Variants in SGCG observed in about 807,000 individuals in gnomAD.
SGCG encodes gamma-sarcoglycan.
SGCG carries 26 observed loss-of-function variants against 29.3 expected under a neutral mutation model. The observed-to-expected ratio is 0.89, with a 90% CI of 0.65 to 1.23. The LOEUF (loss-of-function observed/expected upper bound fraction) is 1.23, where lower values mean the gene tolerates loss of function less well. SGCG is among the 50% of genes most tolerant of loss of function. The pLI is 0.00. For synonymous variants in SGCG, 145 were observed against 129.7 expected (o/e 1.12, Z -0.80); for missense variants, 353 against 356.0 (o/e 0.99, Z 0.07).
rs936057038 is a variant in SGCG, at chr13:23,324,355, T to G, written c.703-13T>G. The G allele has an allele frequency of 1.2e-6, 2 of 1,613,996 alleles. No individual in the cohort carries two copies. Among genetic ancestry groups the G allele is most frequent in the South Asian group, 1.1e-5 (1 of 91,082 alleles). On this transcript the variant is annotated splice_polypyrimidine_tract_variant and intron_variant, in intron 7 of 7. Coordinates refer to ENST00000218867, the MANE Select transcript of SGCG (RefSeq NM_000231.3). ...CTTCCTTAACTCTTCGTCTCTCATC[T>G]TCTCCCAACCAGCTTGTGCTTGATG...
chr13:23,201,609 T>C (rs1877770675), intron 1 of SGCG, among the ~76,000 whole-genome samples: 1 of 152,164 alleles, frequency 6.6e-6, no homozygotes. Context: ...AAACACAGCC[T>C]TGCCCACGCT....
rs530000989 is a variant in SGCG at position 23,250,529 on chromosome 13, G to A, written c.298-101G>A. 121 of 712,002 alleles carry A rather than the reference G, an allele frequency of 1.7e-4. No individual in the cohort carries two copies. In the African/African-American group the frequency reaches 1.9e-3, roughly 11 times the overall value. The allele number at this position is 712,002 out of a possible 1,614,324, so 44.1% of individuals were successfully genotyped here. A position where few individuals can be genotyped will look rare whatever the true frequency, so the allele number is the denominator to read the frequency against. On this transcript the variant is annotated intron_variant, in intron 3 of 7. Transcript: ENST00000218867. ...TAGGATTTCCAGGATCTGTAACAATGGATAAATAATTTTATAAAAATCCTA... is the reference window on the plus strand; with the variant it reads ...TAGGATTTCCAGGATCTGTAACAATAGATAAATAATTTTATAAAAATCCTA...
chr13:23,313,620 G>A (rs1882687738), intron 6 of SGCG, among the ~76,000 whole-genome samples: 1 of 152,180 alleles, frequency 6.6e-6, no homozygotes, highest in African/African-American at 2.4e-5. Context: ...TTAAAAAGGA[G>A]CACAACTTAA....
At chr13:23,319,493 C>G (rs1230233062) in intron 6 of SGCG, among the ~76,000 whole-genome samples, 2 of 152,068 alleles carry the variant, frequency 1.3e-5, no homozygotes, top group Non-Finnish European at 2.9e-5. Context: ...GAAACTTTGT[C>G]TTCTATAACA....
intron 6 of SGCG, 27 bp from the exon 7 acceptor site, chr13:23,320,610 T>C: frequency 6.7e-7 from 1 of 1,489,596 alleles, no homozygotes; most frequent in Non-Finnish European, 9.1e-7. Flanking sequence ...TTTTTTTTTT[T>C]TTTTGTGCTT....
At chr13:23,255,242 G>T (rs1359633575) in intron 4 of SGCG, among the ~76,000 whole-genome samples, 1 of 152,212 alleles carries the variant, frequency 6.6e-6, no homozygotes, top group Non-Finnish European at 1.5e-5. Context: ...CACAGGAGTG[G>T]TGCTGGTCAC....
upstream of SGCG, among the ~76,000 whole-genome samples, chr13:23,180,031 C>A (rs1876678223): frequency 6.6e-6 from 1 of 152,098 alleles, no homozygotes; most frequent in Non-Finnish European, 1.5e-5. Flanking sequence ...CTTTCTCCCT[C>A]CCTCCTTCCT....
intron 6 of SGCG, among the ~76,000 whole-genome samples, chr13:23,301,314 GA>G (rs935913705): frequency 6.6e-6 from 1 of 152,072 alleles, no homozygotes; most frequent in Non-Finnish European, 1.5e-5. Flanking sequence ...AAGATATTTT[GA>G]AAAATGGCAG....
chr13:23,250,812 A>G, intron 4 of SGCG, 95 bp downstream of exon 4: 1 of 781,178 alleles, frequency 1.3e-6, no homozygotes, highest in Non-Finnish European at 2.3e-6. Context: ...AATCAAAGCT[A>G]CTTATGAACA....
At chr13:23,220,899 T>C (rs924726216) in intron 2 of SGCG, among the ~76,000 whole-genome samples, 2 of 152,212 alleles carry the variant, frequency 1.3e-5, no homozygotes, top group African/African-American at 4.8e-5. Context: ...AAAATATGCT[T>C]TAACCTTCCC....
intron 4 of SGCG, among the ~76,000 whole-genome samples, chr13:23,275,503 T>TA (rs35071248): frequency 0.31 from 45,794 of 145,440 alleles, 8,195 homozygotes; most frequent in Middle Eastern, 0.54. Context: ...ACCCTGTCTT[T>TA]AAAAAAAAAA....
intron 2 of SGCG, among the ~76,000 whole-genome samples, chr13:23,206,844 T>C (rs1474746967): frequency 6.6e-6 from 1 of 152,234 alleles, no homozygotes; most frequent in Non-Finnish European, 1.5e-5. Context: ...AGACCTCCCA[T>C]GTTCATCAAT....
At chr13:23,220,164 A>G (rs1398752505) in intron 2 of SGCG, among the ~76,000 whole-genome samples, 4 of 151,950 alleles carry the variant, frequency 2.6e-5, no homozygotes, top group Non-Finnish European at 1.5e-5. Flanking sequence ...TAAAAATAAA[A>G]GAATATGGCT....
chr13:23,217,442 A>G (rs1308159729), intron 2 of SGCG: 1 of 152,140 alleles, frequency 6.6e-6, no homozygotes, highest in East Asian at 1.9e-4. Context: ...TAAAAACACG[A>G]ATTCTTCATG....
intron 6 of SGCG, among the ~76,000 whole-genome samples, chr13:23,317,746 CTTA>C (rs1226369856): frequency 6.6e-6 from 1 of 152,064 alleles, no homozygotes; most frequent in Non-Finnish European, 1.5e-5. Flanking sequence ...TAATTATGAC[CTTA>C]TTATCTTTAT....
At chr13:23,229,951 G>T (rs977382992) in intron 2 of SGCG, among the ~76,000 whole-genome samples, 17 of 152,022 alleles carry the variant, frequency 1.1e-4, no homozygotes, top group African/African-American at 4.1e-4. Flanking sequence ...ATCTTGAGTT[G>T]ATTTTTTTTA....
the SGCG span, among the ~76,000 whole-genome samples, chr13:23,172,153 G>A: frequency 2.0e-5 from 3 of 152,254 alleles, no homozygotes; most frequent in East Asian, 1.9e-4. Flanking sequence ...GCGATATTGC[G>A]TGATTTCATG....
At chr13:23,170,270 G>C in the SGCG span, among the ~76,000 whole-genome samples, 1 of 152,156 alleles carries the variant, frequency 6.6e-6, no homozygotes, top group Non-Finnish European at 1.5e-5. Flanking sequence ...AATGTACTTA[G>C]GGCCAAACCC....
the SGCG span, among the ~76,000 whole-genome samples, chr13:23,160,971 C>T: frequency 3.5e-4 from 54 of 152,270 alleles, 1 homozygote; most frequent in African/African-American, 1.3e-3. Context: ...TTCCTGTGTG[C>T]GTGTGTGTGG....
Sources: gnomAD v4.1 joint callset for allele counts (sites outside exome capture counted in the v4.1 genomes callset) on GRCh38, gnomAD v4.1.1 for gene constraint, MANE v1.5 for transcripts, NCBI Gene and HGNC (gene_info 2026-07-23, HGNC 2026-07-21) for gene names.